Variants in LRRC4C observed in about 807,000 individuals in gnomAD.
LRRC4C encodes leucine-rich repeat-containing protein 4C.
Under a neutral mutation model 33.6 loss-of-function variants are expected in LRRC4C, and 5 were observed. The observed-to-expected ratio is 0.15, with a 90% CI of 0.08 to 0.31. The LOEUF (loss-of-function observed/expected upper bound fraction) is 0.31, where lower values mean the gene tolerates loss of function less well. Ranked by LOEUF, LRRC4C falls within the 10% of genes least tolerant of loss-of-function variation. The pLI is 1.00. For synonymous variants in LRRC4C, 329 were observed against 302.0 expected (o/e 1.09, Z -0.93); for missense variants, 560 against 796.7 (o/e 0.70, Z 3.58).
intron 1 of LRRC4C, among the ~76,000 whole-genome samples, chr11:41,094,122 A>G (rs1030491908): frequency 6.8e-6 from 1 of 147,542 alleles, no homozygotes; most frequent in African/African-American, 2.5e-5. Context: ...TATCGGGGGA[A>G]AAAAAAAAAG....
chr11:40,433,729 A>T (rs1951028713), intron 3 of LRRC4C, among the ~76,000 whole-genome samples: 1 of 152,214 alleles, frequency 6.6e-6, no homozygotes, highest in Non-Finnish European at 1.5e-5. Context: ...CATGTTGCCC[A>T]CAGAGGATAT....
chr11:40,526,304 G>GA (rs1956047017), intron 3 of LRRC4C, among the ~76,000 whole-genome samples: 1 of 151,938 alleles, frequency 6.6e-6, no homozygotes, highest in Non-Finnish European at 1.5e-5. Flanking sequence ...AGCAAGGATT[G>GA]AAAAAGGATA....
At chr11:40,241,365 C>A (rs76037029) in intron 5 of LRRC4C, among the ~76,000 whole-genome samples, 154 bp downstream of exon 5, 8,767 of 151,946 alleles carry the variant, frequency 0.058, 836 homozygotes, top group African/African-American at 0.2. Context: ...CTTGGCAACA[C>A]AACAAAACCC....
chr11:40,234,855 G>C (rs1162929118), intron 5 of LRRC4C, among the ~76,000 whole-genome samples: 1 of 152,174 alleles, frequency 6.6e-6, no homozygotes, highest in Non-Finnish European at 1.5e-5. Context: ...TCCATAAGGT[G>C]CCAGTCTAAA....
chr11:40,649,602 G>A (rs1379811409), intron 2 of LRRC4C, among the ~76,000 whole-genome samples: 1 of 152,118 alleles, frequency 6.6e-6, no homozygotes, highest in Non-Finnish European at 1.5e-5. Flanking sequence ...TGGTCCTGAG[G>A]TGACATACAT....
chr11:41,437,211 C>A (rs1300074617), intron 1 of LRRC4C, among the ~76,000 whole-genome samples: 1 of 152,154 alleles, frequency 6.6e-6, no homozygotes, highest in Admixed American at 6.5e-5. Flanking sequence ...ATTGATTCAC[C>A]TCTGAAAATA....
At chr11:41,175,274 T>C (rs1347697101) in intron 1 of LRRC4C, among the ~76,000 whole-genome samples, 1 of 152,178 alleles carries the variant, frequency 6.6e-6, no homozygotes, top group East Asian at 1.9e-4. Context: ...ATATAGTCTA[T>C]CAAAAAGTCA....
rs540637818 is a variant in LRRC4C at position 40,238,358 on chromosome 11, T to C, written c.-96+3161A>G. ...CTTTGGCCCCAAACCTGCTTTTCAA[T>C]TGGATAATGGCTAATGTTCTTTGGC... is the stretch of plus-strand genomic sequence containing the variant. On this transcript the variant is annotated intron_variant, in intron 5 of 6. Transcript: ENST00000528697. Among the ~76,000 whole-genome samples the C allele has an allele frequency of 3.3e-4, 51 of 152,300 alleles. 1 individual carries two copies. In the South Asian group the frequency reaches 0.011, roughly 32 times the overall value.
chr11:41,023,816 A>T (rs985079850), intron 1 of LRRC4C, among the ~76,000 whole-genome samples: 1 of 151,810 alleles, frequency 6.6e-6, no homozygotes, highest in Non-Finnish European at 1.5e-5. Context: ...TGTAGGGACA[A>T]GGGATTGATG....
At position 41,230,529 on chromosome 11, in the gene LRRC4C, C is replaced by T. The variant is rs548762613; in HGVS notation, c.-496+228902G>A. The stretch of plus-strand genomic sequence containing the variant: ...CCTACTCATAGAGAGATAGATTAGC[C>T]TCTTAGGATTTTTCACTTGCAAGTT... On this transcript the variant is annotated intron_variant, in intron 1 of 6. Transcript: ENST00000528697. Among the ~76,000 whole-genome samples, 14 of 152,116 alleles carry T rather than the reference C, an allele frequency of 9.2e-5. No individual in the cohort carries two copies. In the South Asian group the frequency reaches 2.5e-3, roughly 27 times the overall value.
chr11:40,404,438 C>T (rs983145383), intron 3 of LRRC4C, among the ~76,000 whole-genome samples: 1 of 152,100 alleles, frequency 6.6e-6, no homozygotes, highest in Non-Finnish European at 1.5e-5. Flanking sequence ...CACCCAGTTG[C>T]CAAGCCAGAT....
At chr11:40,939,461 A>G (rs1163572164) in intron 1 of LRRC4C, among the ~76,000 whole-genome samples, 1 of 147,068 alleles carries the variant, frequency 6.8e-6, no homozygotes, top group Non-Finnish European at 1.5e-5. Flanking sequence ...AACTTACTGT[A>G]AAGGATGAAT....
At chr11:40,884,212 C>T (rs182579534) in intron 2 of LRRC4C, among the ~76,000 whole-genome samples, 183 of 152,136 alleles carry the variant, frequency 1.2e-3, no homozygotes, top group Non-Finnish European at 2.3e-3. Context: ...TGCTTTACAG[C>T]TTCGTCCATT....
intron 1 of LRRC4C, among the ~76,000 whole-genome samples, chr11:41,264,060 T>C (rs1256431365): frequency 6.6e-6 from 1 of 151,628 alleles, no homozygotes; most frequent in Non-Finnish European, 1.5e-5. Flanking sequence ...GTTACTTTTA[T>C]AGTTTTCAGA....
intron 2 of LRRC4C, among the ~76,000 whole-genome samples, chr11:40,832,883 C>A (rs981847646): frequency 6.6e-6 from 1 of 151,958 alleles, no homozygotes; most frequent in Non-Finnish European, 1.5e-5. Flanking sequence ...CATCCGAGTT[C>A]ATTTGTAGTA....
At chr11:40,696,041 A>ATGTGTGTGTG (rs567120072) in intron 2 of LRRC4C, among the ~76,000 whole-genome samples, 6,981 of 143,888 alleles carry the variant, frequency 0.049, 588 homozygotes, top group African/African-American at 0.18. Context: ...GTATATATAT[A>ATGTGTGTGTG]TGTGTGTGTG....
intron 2 of LRRC4C, among the ~76,000 whole-genome samples, chr11:40,866,113 C>T (rs917831486): frequency 2.7e-5 from 4 of 146,860 alleles, no homozygotes; most frequent in Admixed American, 6.8e-5. Context: ...TAGAACAGAC[C>T]GATCAATAAC....
intron 5 of LRRC4C, among the ~76,000 whole-genome samples, chr11:40,228,547 T>C (rs1864973920): frequency 6.6e-6 from 1 of 152,232 alleles, no homozygotes; most frequent in South Asian, 2.1e-4. Flanking sequence ...TAATCCTACA[T>C]TCATCTGGTT....
At chr11:40,401,420 C>T (rs1183888360) in intron 3 of LRRC4C, among the ~76,000 whole-genome samples, 1 of 152,094 alleles carries the variant, frequency 6.6e-6, no homozygotes, top group Non-Finnish European at 1.5e-5. Context: ...GGATGTGGTT[C>T]ATGCAAACAT....
Sources: allele counts gnomAD v4.1 joint callset (sites outside exome capture counted in the v4.1 genomes callset), GRCh38; gene constraint gnomAD v4.1.1; transcripts MANE v1.5; gene names NCBI Gene and HGNC (gene_info 2026-07-23, HGNC 2026-07-21).